Variants in URB1 observed in about 807,000 individuals in gnomAD.
URB1 encodes URB1 ribosome biogenesis factor.
In URB1, 197 loss-of-function variants were observed where a neutral mutation model predicts 242.3. The ratio of observed to expected loss-of-function variants is 0.81; its 90% CI spans 0.72 to 0.91. The LOEUF (loss-of-function observed/expected upper bound fraction) is 0.91, where lower values mean the gene tolerates loss of function less well. Ranked by LOEUF, URB1 falls within the 40% of genes least tolerant of loss-of-function variation. The pLI is 0.00. For synonymous variants in URB1, 1,153 were observed against 1,201.8 expected (o/e 0.96, Z 0.84); for missense variants, 2,721 against 2,860.5 (o/e 0.95, Z 1.11).
intron 30 of URB1, among the ~76,000 whole-genome samples, chr21:32,326,870 T>C (rs2032835891): frequency 1.3e-5 from 2 of 152,218 alleles, no homozygotes; most frequent in Middle Eastern, 6.8e-3. Flanking sequence ...AATGGACCAA[T>C]AGAGATGGGA....
chr21:32,347,355 G>C lies in URB1; in HGVS notation c.3469C>G (p.Leu1157Val). Residue 1157 changes from leucine (L) to valine (V), a missense_variant, in exon 22 of 39, where the codon CTG becomes GTG. Physicochemically the swap from Leu to Val is conservative, Grantham distance 32 (BLOSUM62 1). Transcript: ENST00000382751. ...ERHLNALGKT[L>V]VQLLTCSPQD... Reference sequence around the variant, plus strand: ...GGGCTGCAGGTCAGCAGCTGCACCAGGGTCTTTCCAAGAGCATTCAGGTGT... The same window carrying C: ...GGGCTGCAGGTCAGCAGCTGCACCACGGTCTTTCCAAGAGCATTCAGGTGT... The C allele has an allele frequency of 1.3e-6, 2 of 1,551,374 alleles. No homozygotes were observed.
intron 14 of URB1, among the ~76,000 whole-genome samples, chr21:32,358,971 GAGTAAGTTCTC>G (rs1160447574): frequency 5.3e-5 from 8 of 152,270 alleles, no homozygotes; most frequent in Admixed American, 2.0e-4. Context: ...CCCAGCATGC[GAGTAAGTTCTC>G]AGTAAGAATG....
intron 25 of URB1, among the ~76,000 whole-genome samples, chr21:32,340,412 G>C (rs1162652653): frequency 6.6e-6 from 1 of 152,090 alleles, no homozygotes; most frequent in East Asian, 1.9e-4. Context: ...AGGAGTTCGA[G>C]ACCAGCCTGC....
chr21:32,375,886 G>A lies in URB1; in HGVS notation c.665-403C>T, dbSNP rs114597707. 6.4e-3 allele frequency among the ~76,000 whole-genome samples: 969 copies of A among 152,232 alleles called. 9 individuals are homozygous for A. Among genetic ancestry groups the A allele is most frequent in the African/African-American group, 0.023 (938 of 41,536 alleles). On this transcript the variant is annotated intron_variant, in intron 5 of 38. Transcript: ENST00000382751. ...GTGGCAGGATCACCAGTACCCAGGA[G>A]TTTGAGGTTGCAGTAAGCCATGATC...
chr21:32,330,845 T>C (rs2032885477), intron 30 of URB1, among the ~76,000 whole-genome samples: 1 of 152,222 alleles, frequency 6.6e-6, no homozygotes, highest in African/African-American at 2.4e-5. Context: ...CCCTGCTCTC[T>C]TGCAAACAAA....
chr21:32,391,225 G>T (rs1019615849), intron 1 of URB1, among the ~76,000 whole-genome samples: 2 of 151,444 alleles, frequency 1.3e-5, no homozygotes. Context: ...TGTCGGGTCG[G>T]GGGGAGGGGG....
Position 32,317,937 on chromosome 21 carries a change from A to G in URB1, c.5793-20T>C, listed in dbSNP as rs2032713765. 1.3e-6 allele frequency: 2 copies of G among 1,551,044 alleles called. No homozygotes were observed. The highest frequency in any genetic ancestry group is 1.2e-5 in the South Asian group (1 of 83,938). On this transcript the variant is annotated intron_variant, in intron 36 of 38. Transcript: ENST00000382751. The stretch of plus-strand genomic sequence containing the variant: ...GTGGGCCTGTTTGGGAGTCAATGTT[A>G]CAGACTGAGCAAAGGCTGCTGCCCC...
chr21:32,352,968 C>T, intron 18 of URB1, 62 bp from the exon 19 acceptor site: 1 of 1,460,004 alleles, frequency 6.8e-7, no homozygotes, highest in South Asian at 1.4e-5. Flanking sequence ...TGTGACCTAC[C>T]AACACCACCT....
At chr21:32,365,602 G>A (rs1450332646) in intron 10 of URB1, among the ~76,000 whole-genome samples, 1 of 152,184 alleles carries the variant, frequency 6.6e-6, no homozygotes, top group Non-Finnish European at 1.5e-5. Flanking sequence ...CAAGCTAGCT[G>A]GGTGCTAATT....
At chr21:32,359,620 A>G (rs1281874892) in intron 14 of URB1, among the ~76,000 whole-genome samples, 176 bp downstream of exon 14, 1 of 152,212 alleles carries the variant, frequency 6.6e-6, no homozygotes, top group Non-Finnish European at 1.5e-5. Flanking sequence ...GCAGGTTCCC[A>G]GGCCTCCTGG....
At chr21:32,372,020 G>C (rs1337165647) in intron 8 of URB1, among the ~76,000 whole-genome samples, 2 of 152,142 alleles carry the variant, frequency 1.3e-5, no homozygotes, top group African/African-American at 2.4e-5. Flanking sequence ...AGGAGAGGGA[G>C]GACTGTTTTA....
intron 25 of URB1, among the ~76,000 whole-genome samples, chr21:32,339,494 CTTTTTTTTTTT>C (rs751108545): frequency 1.4e-5 from 2 of 139,130 alleles, no homozygotes; most frequent in Non-Finnish European, 3.2e-5. Flanking sequence ...TTTTTTTTTT[CTTTTTTTTTTT>C]TTTGAGACGG....
In URB1 at chr21:32,315,684, A is replaced by T. The variant is rs532493192; in HGVS notation, c.6635-585T>A. 2.6e-5 allele frequency among the ~76,000 whole-genome samples: 4 copies of T among 152,340 alleles called. No homozygotes were observed. In the South Asian group the frequency reaches 8.3e-4, roughly 32 times the overall value. On this transcript the variant is annotated intron_variant, in intron 38 of 38. Transcript: ENST00000382751. ...CCTGGTTCTGACCATCCATGCCAAG[A>T]ATGACAATGAAATTTGAGAAGAACT...
intron 30 of URB1, among the ~76,000 whole-genome samples, chr21:32,329,007 C>G (rs1352115938): frequency 6.6e-6 from 1 of 151,918 alleles, no homozygotes; most frequent in Non-Finnish European, 1.5e-5. Context: ...ACCCAGCCTC[C>G]CAAGGTGCTG....
chr21:32,316,033 G>A lies in URB1; in HGVS notation c.6634+433C>T, dbSNP rs553854014. 4.6e-5 allele frequency among the ~76,000 whole-genome samples: 7 copies of A among 152,336 alleles called. No homozygotes were observed. In the South Asian group the frequency reaches 1.2e-3, roughly 27 times the overall value. On this transcript the variant is annotated intron_variant, in intron 38 of 38. Transcript: ENST00000382751. ...AAACTGTTCATGTGCGCATTTATAC[G>A]CATGTGAAGCTCTATGTGCACACAC... is the stretch of plus-strand genomic sequence containing the variant.
intron 4 of URB1, among the ~76,000 whole-genome samples, chr21:32,381,577 T>C (rs982054004): frequency 3.3e-5 from 5 of 152,212 alleles, no homozygotes; most frequent in Non-Finnish European, 5.9e-5. Context: ...ATGTGGACTT[T>C]GTTTGGATCC....
intron 25 of URB1, 91 bp from the exon 26 acceptor site, chr21:32,338,991 A>AT: frequency 1.6e-6 from 2 of 1,229,308 alleles, no homozygotes; most frequent in Non-Finnish European, 1.1e-6. Flanking sequence ...TCAGTATTTT[A>AT]TTTATTTATT....
intron 1 of URB1, among the ~76,000 whole-genome samples, chr21:32,392,309 C>T (rs975724008): frequency 6.6e-6 from 1 of 152,138 alleles, no homozygotes; most frequent in Non-Finnish European, 1.5e-5. Flanking sequence ...GCTGTGGTGG[C>T]TTCTAGTAGC....
intron 30 of URB1, among the ~76,000 whole-genome samples, chr21:32,332,665 C>T (rs1426464319): frequency 6.6e-6 from 1 of 150,788 alleles, no homozygotes; most frequent in Non-Finnish European, 1.5e-5. Flanking sequence ...AGACATTTCA[C>T]CAAAGAGGAT....
Sources: gnomAD v4.1 joint callset for allele counts (sites outside exome capture counted in the v4.1 genomes callset) on GRCh38, gnomAD v4.1.1 for gene constraint, MANE v1.5 for transcripts, NCBI Gene and HGNC (gene_info 2026-07-23, HGNC 2026-07-21) for gene names.